Variants in GRM8 observed in about 807,000 individuals in gnomAD.
The protein encoded by GRM8 is glutamate metabotropic receptor 8.
In GRM8, 47 loss-of-function variants were observed where a neutral mutation model predicts 87.2. That is an observed-to-expected ratio of 0.54 (90% CI 0.43 to 0.69). The LOEUF (loss-of-function observed/expected upper bound fraction) is 0.69. Among genes scored for constraint, GRM8 ranks in the 30% least tolerant of loss-of-function variants. The pLI, the probability that GRM8 is intolerant of heterozygous loss-of-function variation, is 0.00. For synonymous variants in GRM8, 396 were observed against 404.5 expected, an observed-to-expected ratio of 0.98 and a Z score of 0.25; for missense variants, 1,019 against 1,139.2, an observed-to-expected ratio of 0.89 and a Z score of 1.52.
intron 7 of GRM8, among the ~76,000 whole-genome samples, chr7:126,653,750 T>C (rs1804199827): frequency 6.6e-6 from 1 of 152,194 alleles, no homozygotes; most frequent in African/African-American, 2.4e-5. Flanking sequence ...GGTATTTGTT[T>C]TAATGCACTT....
intron 6 of GRM8, among the ~76,000 whole-genome samples, chr7:126,779,359 C>T (rs1819817745): frequency 6.6e-6 from 1 of 151,912 alleles, no homozygotes; most frequent in Middle Eastern, 3.4e-3. Context: ...GATTTTCTGC[C>T]CTAGGCCATT....
chr7:126,846,764 G>A (rs2130665233), intron 6 of GRM8, among the ~76,000 whole-genome samples: 1 of 152,228 alleles, frequency 6.6e-6, no homozygotes, highest in East Asian at 1.9e-4. Flanking sequence ...TAAAATAAAA[G>A]AGAGTAGAAA....
At chr7:126,756,908 G>A (rs10954135) in intron 7 of GRM8, among the ~76,000 whole-genome samples, 52,380 of 151,800 alleles carry the variant, frequency 0.35, 9,672 homozygotes, top group Middle Eastern at 0.46. Flanking sequence ...AAAGAATGAC[G>A]ATAACAAAAC....
At chr7:126,930,623 T>A (rs1586499218) in intron 3 of GRM8, among the ~76,000 whole-genome samples, 1 of 152,216 alleles carries the variant, frequency 6.6e-6, no homozygotes, top group African/African-American at 2.4e-5. Flanking sequence ...CATCATCCTA[T>A]CAGCCTAATT....
At chr7:126,655,642 A>T (rs1422130405) in intron 7 of GRM8, among the ~76,000 whole-genome samples, 2 of 152,218 alleles carry the variant, frequency 1.3e-5, no homozygotes, top group Admixed American at 1.3e-4. Flanking sequence ...ACATGAGATG[A>T]CATTTTCTTG....
chr7:127,235,100 C>A (rs187694996), intron 2 of GRM8, among the ~76,000 whole-genome samples: 1 of 152,280 alleles, frequency 6.6e-6, no homozygotes, highest in East Asian at 1.9e-4. Flanking sequence ...CAGTCACAAA[C>A]CATTCTTATG....
intron 9 of GRM8, among the ~76,000 whole-genome samples, chr7:126,487,111 T>C (rs922691014): frequency 1.3e-5 from 2 of 152,108 alleles, no homozygotes; most frequent in African/African-American, 4.8e-5. Flanking sequence ...AGTGTTCTTT[T>C]CAAAGCAAAG....
intron 6 of GRM8, among the ~76,000 whole-genome samples, chr7:126,809,446 C>G (rs776706065): frequency 6.6e-6 from 1 of 152,074 alleles, no homozygotes; most frequent in Non-Finnish European, 1.5e-5. Flanking sequence ...CAGATTCTAC[C>G]AGACAGTTAT....
intron 7 of GRM8, among the ~76,000 whole-genome samples, chr7:126,722,870 C>T (rs1383584791): frequency 1.0e-5 from 1 of 99,970 alleles, no homozygotes; most frequent in Non-Finnish European, 2.0e-5. Flanking sequence ...AGAATCATGC[C>T]TAATCCTGAG....
At chr7:126,765,247 C>CA (rs1818066267) in intron 7 of GRM8, among the ~76,000 whole-genome samples, 2 of 152,014 alleles carry the variant, frequency 1.3e-5, no homozygotes, top group African/African-American at 4.8e-5. Flanking sequence ...ATAAAGCAGA[C>CA]AGACAGAAAG....
At chr7:126,803,003 C>T (rs192125161) in intron 6 of GRM8, among the ~76,000 whole-genome samples, 1 of 152,212 alleles carries the variant, frequency 6.6e-6, no homozygotes, top group African/African-American at 2.4e-5. Context: ...GATTTACTGA[C>T]CTTGAAAGTG....
intron 3 of GRM8, among the ~76,000 whole-genome samples, chr7:126,980,492 A>G (rs1811412179): frequency 6.6e-6 from 1 of 152,200 alleles, no homozygotes; most frequent in South Asian, 2.1e-4. Context: ...TTGAATCTAG[A>G]GTTTCTTCAC....
intron 7 of GRM8, among the ~76,000 whole-genome samples, chr7:126,749,007 C>T (rs977374581): frequency 3.3e-5 from 5 of 152,110 alleles, no homozygotes; most frequent in Non-Finnish European, 7.4e-5. Context: ...ACCACAGTAC[C>T]TCACACCTGT....
At chr7:127,069,642 T>TC (rs1437943380) in intron 3 of GRM8, among the ~76,000 whole-genome samples, 1 of 152,208 alleles carries the variant, frequency 6.6e-6, no homozygotes, top group African/African-American at 2.4e-5. Flanking sequence ...ATTCACCTCT[T>TC]CCCACCAGAA....
At chr7:127,171,240 G>A (rs1793782574) in intron 2 of GRM8, among the ~76,000 whole-genome samples, 1 of 152,168 alleles carries the variant, frequency 6.6e-6, no homozygotes, top group African/African-American at 2.4e-5. Context: ...TCTTATGGAT[G>A]AGCAAAGAAA....
At chr7:126,446,415 C>G (rs1802029275) in intron 9 of GRM8, 43 bp from the exon 10 acceptor site, 2 of 1,337,360 alleles carry the variant, frequency 1.5e-6, no homozygotes, top group Non-Finnish European at 2.1e-6. Context: ...GTAAGCCTAA[C>G]AGTAGGAGAT....
intron 3 of GRM8, among the ~76,000 whole-genome samples, chr7:127,032,747 A>G (rs942568668): frequency 3.9e-5 from 6 of 152,148 alleles, no homozygotes; most frequent in Non-Finnish European, 8.8e-5. Context: ...CCCAGTATGG[A>G]TCTCTTCCAG....
intron 7 of GRM8, among the ~76,000 whole-genome samples, chr7:126,630,284 T>C (rs1417685782): frequency 6.6e-6 from 1 of 152,082 alleles, no homozygotes; most frequent in African/African-American, 2.4e-5. Context: ...TGACCAAGGC[T>C]GTCATCAGAG....
intron 3 of GRM8, among the ~76,000 whole-genome samples, chr7:127,088,957 C>T (rs1336029205): frequency 1.3e-5 from 2 of 152,208 alleles, no homozygotes; most frequent in Non-Finnish European, 2.9e-5. Context: ...TCTGCGGACA[C>T]AATTGGAAGC....
Sources: gnomAD v4.1 joint callset for allele counts (sites outside exome capture counted in the v4.1 genomes callset) on GRCh38, gnomAD v4.1.1 for gene constraint, MANE v1.5 for transcripts, NCBI Gene and HGNC (gene_info 2026-07-23, HGNC 2026-07-21) for gene names.